The following ZC3H3 variants were observed in gnomAD, a reference collection of about 807,000 sequenced individuals.
The protein encoded by ZC3H3 is zinc finger CCCH domain-containing protein 3.
ZC3H3 carries 36 observed loss-of-function variants against 77.3 expected under a neutral mutation model. The ratio of observed to expected loss-of-function variants is 0.47; its 90% CI spans 0.36 to 0.61. The LOEUF is 0.61. ZC3H3 is among the 20% of genes least tolerant of loss of function. The probability of loss-of-function intolerance (pLI) is 0.00; values close to 1 mark genes in which losing one functional copy is unlikely to be tolerated. For synonymous variants in ZC3H3, 626 were observed against 555.2 expected, an observed-to-expected ratio of 1.13 and a Z score of -1.79; for missense variants, 1,331 against 1,312.2, an observed-to-expected ratio of 1.01 and a Z score of -0.22.
chr8:143,504,437 T>A (rs1365113438), intron 4 of ZC3H3, among the ~76,000 whole-genome samples: 1 of 152,140 alleles, frequency 6.6e-6, no homozygotes, highest in Non-Finnish European at 1.5e-5. Flanking sequence ...GTGTTACTGT[T>A]TCTTGTCCCC....
chr8:143,489,086 G>C (rs1400964616), intron 4 of ZC3H3, among the ~76,000 whole-genome samples: 1 of 152,248 alleles, frequency 6.6e-6, no homozygotes, highest in Non-Finnish European at 1.5e-5. Context: ...TCTCTGGGAA[G>C]GGCCTAAGAC....
chr8:143,483,639 A>C (rs565092929), intron 4 of ZC3H3, among the ~76,000 whole-genome samples: 1 of 152,296 alleles, frequency 6.6e-6, no homozygotes, highest in East Asian at 1.9e-4. Context: ...GGCAGGGCTA[A>C]ATGCTCAAGG....
Position 143,460,660 on chromosome 8 carries a change from C to T in ZC3H3, c.2307+5057G>A, listed in dbSNP as rs35310129. ...CAGTAGCCACATAACCACCAGCACA[C>T]GAAGGAACTAACAAAACGCAGTGCA... On this transcript the variant is annotated intron_variant, in intron 9 of 11. Transcript: ENST00000262577. The surrounding 1 kb of genome is among the most constrained non-coding windows in gnomAD (Gnocchi z 4.0). 0.054 allele frequency among the ~76,000 whole-genome samples: 8,219 copies of T among 152,204 alleles called. 290 individuals are homozygous for T. Among genetic ancestry groups the T allele is most frequent in the Non-Finnish European group, 0.078 (5,293 of 68,014 alleles).
At chr8:143,454,562 T>C (rs1213186271) in intron 9 of ZC3H3, among the ~76,000 whole-genome samples, 1 of 151,912 alleles carries the variant, frequency 6.6e-6, no homozygotes, top group Non-Finnish European at 1.5e-5. Context: ...CCTGCCACCA[T>C]GCCCAGTTAA....
intron 3 of ZC3H3, among the ~76,000 whole-genome samples, chr8:143,528,750 C>T (rs1822501299): frequency 6.6e-6 from 1 of 152,232 alleles, no homozygotes; most frequent in Non-Finnish European, 1.5e-5. Context: ...AGCATGGTGA[C>T]TGCCCCACCT....
intron 4 of ZC3H3, among the ~76,000 whole-genome samples, chr8:143,488,645 G>A (rs1384536580): frequency 1.3e-5 from 2 of 152,240 alleles, no homozygotes; most frequent in African/African-American, 4.8e-5. Flanking sequence ...AGTGGGAAGA[G>A]CCAGAGGGAA....
At chr8:143,539,358 G>A in intron 1 of ZC3H3, 38 bp from the exon 2 acceptor site, 4 of 1,543,418 alleles carry the variant, frequency 2.6e-6, no homozygotes, top group Non-Finnish European at 3.5e-6. Context: ...TAGCCAGAGG[G>A]TAACCGCGAT....
In ZC3H3 at chr8:143,500,757, G is replaced by GC. The variant is rs1586929072; in HGVS notation, c.1715+6988dup. On this transcript the variant is annotated intron_variant, in intron 4 of 11. Coordinates refer to ENST00000262577, the MANE Select transcript of ZC3H3 (RefSeq NM_015117.3). ...CACTGACCCATCCACAGGGGTGGAA[G>GC]CCTCACAGCCAATCACCTCTCACAG... Among the ~76,000 whole-genome samples, 4 of 150,884 alleles carry GC rather than the reference G, an allele frequency of 2.7e-5. No homozygotes were observed. In the East Asian group the frequency reaches 7.8e-4, roughly 29 times the overall value.
chr8:143,463,413 C>G (rs1820319364), intron 9 of ZC3H3, among the ~76,000 whole-genome samples: 1 of 152,192 alleles, frequency 6.6e-6, no homozygotes, highest in Non-Finnish European at 1.5e-5. Flanking sequence ...ATCATAAGGG[C>G]AGGAGCCCTG....
At chr8:143,485,756 C>T (rs551736480) in intron 4 of ZC3H3, among the ~76,000 whole-genome samples, 2 of 152,348 alleles carry the variant, frequency 1.3e-5, no homozygotes, top group South Asian at 4.1e-4. Context: ...CAAACTCCCA[C>T]AAATCAGCCA....
chr8:143,447,145 C>G (rs1819880853), intron 9 of ZC3H3, among the ~76,000 whole-genome samples: 1 of 152,214 alleles, frequency 6.6e-6, no homozygotes, highest in Non-Finnish European at 1.5e-5. Flanking sequence ...TGATTCAGCC[C>G]AGGGCCTGAG....
intron 4 of ZC3H3, among the ~76,000 whole-genome samples, chr8:143,491,847 A>C (rs1821213340): frequency 6.6e-6 from 1 of 152,084 alleles, no homozygotes; most frequent in African/African-American, 2.4e-5. Flanking sequence ...CAGGCACAGG[A>C]CACCCTCGGC....
At chr8:143,501,805 G>A (rs1341588764) in intron 4 of ZC3H3, among the ~76,000 whole-genome samples, 1 of 151,964 alleles carries the variant, frequency 6.6e-6, no homozygotes, top group Non-Finnish European at 1.5e-5. Flanking sequence ...GGGCGCGGGT[G>A]TTACGTTAGG....
intron 3 of ZC3H3, among the ~76,000 whole-genome samples, chr8:143,516,713 T>TC (rs1165014703): frequency 6.6e-6 from 1 of 151,950 alleles, no homozygotes; most frequent in African/African-American, 2.4e-5. Context: ...CCCCAGCACC[T>TC]CCCCAGGTGG....
rs117345617 is a variant in ZC3H3, at chr8:143,475,158, C to T, written c.1903+240G>A. 1.3e-3 allele frequency among the ~76,000 whole-genome samples: 195 copies of T among 152,318 alleles called. 1 individual carries two copies. In the East Asian group the frequency reaches 0.029, roughly 23 times the overall value. ...GTCTCACTAGGGATGGCTACGAAGG[C>T]GCCGGGTGTATGGAAGAGTGAAATT... On this transcript the variant is annotated intron_variant, in intron 5 of 11. Transcript: ENST00000262577.
intron 9 of ZC3H3, among the ~76,000 whole-genome samples, chr8:143,463,077 G>A (rs1422062362): frequency 2.0e-5 from 3 of 150,678 alleles, no homozygotes; most frequent in East Asian, 2.0e-4. Context: ...TCCACCTCCC[G>A]GGTTCCAGCA....
chr8:143,534,290 A>AAC (rs1554647831), intron 3 of ZC3H3, among the ~76,000 whole-genome samples: 10 of 151,358 alleles, frequency 6.6e-5, no homozygotes, highest in Non-Finnish European at 1.3e-4. Context: ...AAAAAAAAAA[A>AAC]AAAAAACGAC....
chr8:143,470,101 G>A (rs751071731), intron 5 of ZC3H3, among the ~76,000 whole-genome samples: 9 of 152,174 alleles, frequency 5.9e-5, no homozygotes, highest in South Asian at 2.1e-4. Flanking sequence ...CAAGGCTTCC[G>A]CTCCCTCGCA....
chr8:143,477,607 G>C (rs1820772027), intron 4 of ZC3H3, among the ~76,000 whole-genome samples: 1 of 152,206 alleles, frequency 6.6e-6, no homozygotes, highest in Non-Finnish European at 1.5e-5. Flanking sequence ...GGCAGGCCAG[G>C]CAGGACCTCC....
Sources: allele counts gnomAD v4.1 joint callset (sites outside exome capture counted in the v4.1 genomes callset), GRCh38; gene constraint gnomAD v4.1.1; non-coding constraint Gnocchi (gnomAD v3.1); transcripts MANE v1.5; gene names NCBI Gene and HGNC (gene_info 2026-07-23, HGNC 2026-07-21).